The following GASK1A variants were observed in gnomAD, a reference collection of about 807,000 sequenced individuals.
GASK1A encodes the protein golgi associated kinase 1A, also known as Golgi-associated kinase 1A.
A neutral mutation model predicts 41.2 loss-of-function variants in GASK1A; 40 were observed. That is an observed-to-expected ratio of 0.97 (90% CI 0.75 to 1.27). The LOEUF (loss-of-function observed/expected upper bound fraction) is 1.27, where lower values mean the gene tolerates loss of function less well. Ranked by LOEUF, GASK1A falls within the 50% of genes most tolerant of loss-of-function variation. GASK1A has a pLI of 0.00. For missense variants in GASK1A, 678 were observed against 745.1 expected (o/e 0.91, Z 1.05); for synonymous variants, 316 against 307.1 (o/e 1.03, Z -0.30).
intron 1 of GASK1A, among the ~76,000 whole-genome samples, chr3:42,994,153 T>G (rs570498483): frequency 6.6e-6 from 1 of 152,290 alleles, no homozygotes; most frequent in African/African-American, 2.4e-5. Context: ...CTTTGGAAAT[T>G]TTTTGCTAAA....
intron 1 of GASK1A, among the ~76,000 whole-genome samples, chr3:43,026,103 C>A (rs960490244): frequency 1.3e-5 from 2 of 152,090 alleles, no homozygotes; most frequent in Non-Finnish European, 1.5e-5. Context: ...AATCACCATC[C>A]CCCGCTTGTC....
chr3:42,979,374 C>T lies in GASK1A; in HGVS notation c.-269C>T, dbSNP rs2089267585. On this transcript the variant is annotated 5_prime_UTR_variant, in exon 1 of 5. Transcript: ENST00000430121. The stretch of plus-strand genomic sequence containing the variant: ...AGGCTCGCGGCCGCGGGTAGGCTCC[C>T]TCAGATCCCCGTAGATCTCAGTAGA... 5.1e-6 allele frequency: 2 copies of T among 390,060 alleles called. No individual in the cohort carries two copies. The highest frequency in any genetic ancestry group is 2.1e-5 in the African/African-American group (1 of 48,284). The allele number at this position is 390,060 out of a possible 1,614,324, so 24.2% of individuals were successfully genotyped here. A position where few individuals can be genotyped will look rare whatever the true frequency, so the allele number is the denominator to read the frequency against.
rs1270102597 is a variant in GASK1A, at chr3:42,979,334, C to T, written c.-309C>T. 1 of 353,086 alleles carries T rather than the reference C, an allele frequency of 2.8e-6. No homozygotes were observed. Among genetic ancestry groups the T allele is most frequent in the African/African-American group, 2.1e-5 (1 of 47,546 alleles). 21.9% of individuals were successfully genotyped at this position (353,086 alleles called of 1,614,324 possible). A position where few individuals can be genotyped will look rare whatever the true frequency, so the allele number is the denominator to read the frequency against. ...GGACTTTGCAAACTCTGCAAAAGTC[C>T]CGAGTAGACCGCAGAGGCTCGCGGC... On this transcript the variant is annotated 5_prime_UTR_variant, in exon 1 of 5. Coordinates refer to ENST00000430121, the MANE Select transcript of GASK1A (RefSeq NM_001129908.3).
chr3:43,007,610 G>C (rs1447944545), intron 1 of GASK1A, among the ~76,000 whole-genome samples: 4 of 152,204 alleles, frequency 2.6e-5, no homozygotes, highest in Non-Finnish European at 5.9e-5. Flanking sequence ...TCATGAGTCT[G>C]CTCAGGCCAT....
chr3:42,986,713 A>G (rs1237544867), intron 1 of GASK1A, among the ~76,000 whole-genome samples: 1 of 152,126 alleles, frequency 6.6e-6, no homozygotes, highest in Non-Finnish European at 1.5e-5. Flanking sequence ...GGGCAATGGA[A>G]GGGCTTTTGA....
rs750369301 is a variant in GASK1A at position 43,033,001 on chromosome 3, G to A, written c.738G>A (p.Thr246=). ...LQGSVWCDAE[T]LLSSSRTGGQ... ...GGTCAGTATGGTGTGATGCTGAGACGCTGTTGAGCAGCTCGAGGACTGGTG... is the reference window on the plus strand; with the variant it reads ...GGTCAGTATGGTGTGATGCTGAGACACTGTTGAGCAGCTCGAGGACTGGTG... The change falls in exon 2 of 5, where the codon ACG becomes ACA. Residue 246 remains threonine (T), a synonymous_variant. Coordinates refer to ENST00000430121, the MANE Select transcript of GASK1A (RefSeq NM_001129908.3). 1.3e-4 allele frequency: 198 copies of A among 1,551,576 alleles called. 1 individual carries two copies. Among genetic ancestry groups the A allele is most frequent in the Non-Finnish European group, 1.6e-4 (181 of 1,146,988 alleles).
chr3:43,012,344 C>A (rs1160202217), intron 1 of GASK1A, among the ~76,000 whole-genome samples: 3 of 146,922 alleles, frequency 2.0e-5, no homozygotes, highest in African/African-American at 7.7e-5. Context: ...TGTGAAGCCA[C>A]TGAATGGGAC....
In GASK1A at chr3:42,984,950, G is replaced by C. The variant is rs1277045645; in HGVS notation, c.3+5305G>C. On this transcript the variant is annotated intron_variant, in intron 1 of 4. Transcript: ENST00000430121. The surrounding 1 kb of genome is among the most constrained non-coding windows in gnomAD (Gnocchi z 4.2). ...CAGGTGGGAAAGAGTTTTGGAGTGG[G>C]CATACTTTAGGTTGTAAATTGACTG... 6.6e-6 allele frequency among the ~76,000 whole-genome samples: 1 copy of C among 152,144 alleles called. No individual in the cohort carries two copies. Among genetic ancestry groups the C allele is most frequent in the Non-Finnish European group, 1.5e-5 (1 of 68,036 alleles).
intron 1 of GASK1A, among the ~76,000 whole-genome samples, chr3:43,009,967 G>A (rs1363351840): frequency 6.6e-6 from 1 of 152,206 alleles, no homozygotes; most frequent in Non-Finnish European, 1.5e-5. Context: ...TTGGTCCAGT[G>A]CTTGGCATTA....
intron 1 of GASK1A, among the ~76,000 whole-genome samples, chr3:43,018,086 A>G (rs9828785): frequency 0.17 from 26,168 of 152,130 alleles, 2,398 homozygotes; most frequent in Non-Finnish European, 0.2. Flanking sequence ...AGTTACGGGA[A>G]GTTGTTGAAT....
intron 1 of GASK1A, among the ~76,000 whole-genome samples, chr3:42,989,285 G>A (rs1222673444): frequency 6.6e-6 from 1 of 152,150 alleles, no homozygotes; most frequent in African/African-American, 2.4e-5. Context: ...AATGGATGGG[G>A]TGGGTCCTCA....
intron 1 of GASK1A, among the ~76,000 whole-genome samples, chr3:43,010,222 G>A (rs1167293954): frequency 6.6e-6 from 1 of 152,078 alleles, no homozygotes. Context: ...TAGCAACTCA[G>A]TACCTACAAT....
At chr3:43,014,448 G>A (rs551171892) in intron 1 of GASK1A, among the ~76,000 whole-genome samples, 17 of 151,852 alleles carry the variant, frequency 1.1e-4, no homozygotes, top group South Asian at 2.1e-4. Context: ...GCAGTGTGAC[G>A]TCACAGGAAG....
At chr3:43,009,153 C>T (rs1392290048) in intron 1 of GASK1A, among the ~76,000 whole-genome samples, 1 of 152,122 alleles carries the variant, frequency 6.6e-6, no homozygotes, top group Non-Finnish European at 1.5e-5. Context: ...AAGATATATG[C>T]TTATTAGGGC....
intron 1 of GASK1A, among the ~76,000 whole-genome samples, chr3:43,015,276 GGAAGCCACAGGAAGGGGCTGTGT>G (rs2089484693): frequency 2.1e-5 from 3 of 139,952 alleles, no homozygotes; most frequent in Admixed American, 1.4e-4. Context: ...AGGGGCTGTG[GGAAGCCACAGGAAGGGGCTGTGT>G]GAAGCCACTG....
intron 1 of GASK1A, among the ~76,000 whole-genome samples, chr3:42,989,003 G>A (rs190137045): frequency 3.9e-5 from 6 of 152,346 alleles, no homozygotes; most frequent in Admixed American, 3.9e-4. Flanking sequence ...TAACTGTAGT[G>A]CTGTTAAATG....
At chr3:43,048,449 A>G (rs2089673978) in intron 2 of GASK1A, among the ~76,000 whole-genome samples, 1 of 152,190 alleles carries the variant, frequency 6.6e-6, no homozygotes, top group Non-Finnish European at 1.5e-5. Flanking sequence ...GAATAGAGCA[A>G]TTTATCTGGG....
intron 1 of GASK1A, among the ~76,000 whole-genome samples, chr3:42,981,578 G>A (rs2089283165): frequency 6.6e-6 from 1 of 152,118 alleles, no homozygotes; most frequent in Non-Finnish European, 1.5e-5. Flanking sequence ...CCTGACTCAG[G>A]CTGCCCCCAT....
chr3:43,018,175 AGACT>A (rs2089504013), intron 1 of GASK1A, among the ~76,000 whole-genome samples: 1 of 152,224 alleles, frequency 6.6e-6, no homozygotes, highest in African/African-American at 2.4e-5. Flanking sequence ...CTTTATCCCG[AGACT>A]GTGGATTCTT....
Sources: gnomAD v4.1 joint callset for allele counts (sites outside exome capture counted in the v4.1 genomes callset) on GRCh38, gnomAD v4.1.1 for gene constraint, Gnocchi (gnomAD v3.1) non-coding constraint, MANE v1.5 for transcripts, NCBI Gene and HGNC (gene_info 2026-07-23, HGNC 2026-07-21) for gene names.